The following PPP4R4 variants were observed in gnomAD, a reference collection of about 807,000 sequenced individuals.
PPP4R4 encodes protein phosphatase 4 regulatory subunit 4.
A neutral mutation model predicts 121.8 loss-of-function variants in PPP4R4; 70 were observed. The observed-to-expected ratio is 0.57, with a 90% CI of 0.47 to 0.70. PPP4R4 has a LOEUF of 0.70. Among genes scored for constraint, PPP4R4 ranks in the 30% least tolerant of loss-of-function variants. PPP4R4 has a pLI of 0.00. For missense variants in PPP4R4, 875 were observed against 1,033.6 expected (o/e 0.85, Z 2.10); for synonymous variants, 348 against 355.7 (o/e 0.98, Z 0.24).
intron 2 of PPP4R4, among the ~76,000 whole-genome samples, chr14:94,190,377 G>T (rs1889529438): frequency 6.6e-6 from 1 of 152,282 alleles, no homozygotes; most frequent in African/African-American, 2.4e-5. Context: ...GGAGGCAGAG[G>T]TGGGTGGATC....
chr14:94,266,680 T>C (rs1182791691), intron 22 of PPP4R4, among the ~76,000 whole-genome samples: 1 of 152,152 alleles, frequency 6.6e-6, no homozygotes, highest in East Asian at 1.9e-4. Flanking sequence ...AGATAAGTTT[T>C]GTTTCCAAGA....
intron 3 of PPP4R4, among the ~76,000 whole-genome samples, chr14:94,217,450 C>CCTAT (rs1566663861): frequency 6.6e-6 from 1 of 152,090 alleles, no homozygotes; most frequent in African/African-American, 2.4e-5. Context: ...TACTGTTGCC[C>CCTAT]CTATCATCAC....
At chr14:94,189,437 T>C (rs191939118) in intron 2 of PPP4R4, among the ~76,000 whole-genome samples, 10 of 152,314 alleles carry the variant, frequency 6.6e-5, no homozygotes, top group African/African-American at 2.4e-5. Context: ...AATTGATTTG[T>C]TTGTATTACA....
At chr14:94,238,817 A>G (rs1210186021) in intron 8 of PPP4R4, among the ~76,000 whole-genome samples, 1 of 152,220 alleles carries the variant, frequency 6.6e-6, no homozygotes, top group African/African-American at 2.4e-5. Context: ...AATATGGACA[A>G]TAATTGTGTT....
chr14:94,195,434 A>G (rs1466316105), intron 2 of PPP4R4, among the ~76,000 whole-genome samples: 1 of 152,174 alleles, frequency 6.6e-6, no homozygotes, highest in African/African-American at 2.4e-5. Context: ...TCTTGATGTC[A>G]CTGACTTAAT....
At chr14:94,265,510 T>C in intron 21 of PPP4R4, 37 bp downstream of exon 21, 1 of 1,530,926 alleles carries the variant, frequency 6.5e-7, no homozygotes, top group Non-Finnish European at 9.0e-7. Flanking sequence ...TTTTGTAATT[T>C]TTCTTCCTTG....
chr14:94,200,272 C>T (rs1352924678), intron 2 of PPP4R4, among the ~76,000 whole-genome samples: 2 of 152,152 alleles, frequency 1.3e-5, no homozygotes, highest in Non-Finnish European at 2.9e-5. Context: ...TCACCATAGA[C>T]AACTATGTTG....
chr14:94,196,658 T>C (rs1263501494), intron 2 of PPP4R4, among the ~76,000 whole-genome samples: 1 of 152,134 alleles, frequency 6.6e-6, no homozygotes, highest in Non-Finnish European at 1.5e-5. Flanking sequence ...TCACCTTTTA[T>C]TTCTCTTGAA....
At chr14:94,179,362 G>A (rs1888851970) in intron 2 of PPP4R4, among the ~76,000 whole-genome samples, 1 of 152,134 alleles carries the variant, frequency 6.6e-6, no homozygotes, top group Admixed American at 6.5e-5. Context: ...TTAGCATAAG[G>A]TGTTCAAGGT....
At chr14:94,217,278 AAGGTAATAGTG>A (rs1240189295) in intron 3 of PPP4R4, among the ~76,000 whole-genome samples, 3 of 152,188 alleles carry the variant, frequency 2.0e-5, no homozygotes, top group Non-Finnish European at 4.4e-5. Flanking sequence ...CGTTAAACAA[AAGGTAATAGTG>A]GCCCACTATT....
intron 2 of PPP4R4, among the ~76,000 whole-genome samples, chr14:94,201,023 G>A (rs564483324): frequency 4.6e-5 from 7 of 152,154 alleles, no homozygotes; most frequent in Admixed American, 2.0e-4. Context: ...TTGGTAAGTT[G>A]TGTCACTATT....
chr14:94,180,256 C>T (rs1055329629), intron 2 of PPP4R4, among the ~76,000 whole-genome samples: 8 of 152,260 alleles, frequency 5.3e-5, no homozygotes, highest in Admixed American at 1.3e-4. Flanking sequence ...ATTTAATAAA[C>T]GGACAAAGTA....
At chr14:94,263,529 T>A (rs1893887366) in intron 19 of PPP4R4, among the ~76,000 whole-genome samples, 1 of 152,220 alleles carries the variant, frequency 6.6e-6, no homozygotes, top group African/African-American at 2.4e-5. Flanking sequence ...ATTTTATTAT[T>A]TCAGCAGCCT....
intron 2 of PPP4R4, among the ~76,000 whole-genome samples, chr14:94,205,948 T>C (rs2139443381): frequency 6.6e-6 from 1 of 152,188 alleles, no homozygotes; most frequent in Middle Eastern, 3.4e-3. Flanking sequence ...TGTATTCTGC[T>C]GTTGGATAGA....
At chr14:94,270,737 T>C (rs1304338789) in intron 23 of PPP4R4, among the ~76,000 whole-genome samples, 1 of 151,944 alleles carries the variant, frequency 6.6e-6, no homozygotes, top group African/African-American at 2.4e-5. Flanking sequence ...CTGACCAACA[T>C]GGCAAAACCC....
intron 2 of PPP4R4, among the ~76,000 whole-genome samples, chr14:94,189,425 A>G (rs1889474138): frequency 1.3e-5 from 2 of 152,308 alleles, no homozygotes; most frequent in South Asian, 4.1e-4. Flanking sequence ...TTTAAATATT[A>G]TAATTGATTT....
intron 23 of PPP4R4, among the ~76,000 whole-genome samples, chr14:94,270,121 T>A (rs1566706067): frequency 6.6e-6 from 1 of 152,142 alleles, no homozygotes; most frequent in African/African-American, 2.4e-5. Flanking sequence ...ACAGTTTATT[T>A]AAAAAAATAA....
intron 2 of PPP4R4, among the ~76,000 whole-genome samples, chr14:94,190,504 G>A (rs996337511): frequency 2.6e-5 from 4 of 152,058 alleles, no homozygotes; most frequent in Admixed American, 6.6e-5. Flanking sequence ...AGGAGGCTGA[G>A]GCAGGAGAAT....
intron 2 of PPP4R4, among the ~76,000 whole-genome samples, chr14:94,180,356 C>A (rs1888908083): frequency 6.6e-6 from 1 of 152,158 alleles, no homozygotes; most frequent in Non-Finnish European, 1.5e-5. Flanking sequence ...CATAATTAAG[C>A]ATTTTTAACT....
Sources: allele counts gnomAD v4.1 joint callset (sites outside exome capture counted in the v4.1 genomes callset), GRCh38; gene constraint gnomAD v4.1.1; transcripts MANE v1.5; gene names NCBI Gene and HGNC (gene_info 2026-07-23, HGNC 2026-07-21).